PCDH11X: variants seen among roughly 807,000 people sequenced by gnomAD.
PCDH11X encodes protocadherin 11 X-linked.
PCDH11X carries 18 observed loss-of-function variants against 53.3 expected under a neutral mutation model. That is an observed-to-expected ratio of 0.34 (90% CI 0.23 to 0.50). PCDH11X has a LOEUF of 0.50. Among genes scored for constraint, PCDH11X ranks in the 20% least tolerant of loss-of-function variants. The pLI, the probability that PCDH11X is intolerant of heterozygous loss-of-function variation, is 0.98. For missense variants in PCDH11X, 570 were observed against 1,032.4 expected (o/e 0.55, Z 6.14); for synonymous variants, 279 against 393.3 (o/e 0.71, Z 3.44).
intron 6 of PCDH11X, among the ~76,000 whole-genome samples, chrX:92,006,956 CAG>C (rs2062610032): frequency 9.0e-6 from 1 of 111,489 alleles, no homozygotes; most frequent in African/African-American, 3.3e-5. Flanking sequence ...CCCAAACAAA[CAG>C]AGTCCCTCTC....
At chrX:92,175,795 C>T (rs1399387168) in intron 6 of PCDH11X, among the ~76,000 whole-genome samples, 5 of 84,225 alleles carry the variant, frequency 5.9e-5, no homozygotes, top group Non-Finnish European at 1.2e-4. Flanking sequence ...TACACACACA[C>T]ACACACACAG....
At chrX:91,833,626 A>G (rs764403394) in intron 4 of PCDH11X, among the ~76,000 whole-genome samples, 2 of 112,006 alleles carry the variant, frequency 1.8e-5, no homozygotes, top group Admixed American at 1.9e-4. Context: ...AAATGTTGTG[A>G]TAAAAATTAA....
rs113836236 is a variant in PCDH11X at position 92,438,114 on chromosome X, C to T, written c.3344-30185C>T. 9.9e-3 allele frequency among the ~76,000 whole-genome samples: 1,105 copies of T among 111,448 alleles called. 19 individuals are homozygous for T. Among genetic ancestry groups the T allele is most frequent in the African/African-American group, 0.034 (1,045 of 30,738 alleles). ...TTGATGTTGTAAGTAAATTGAGAGT[C>T]GTATATTCCATCTTCAACTCAGTCA... On this transcript the variant is annotated intron_variant, in intron 9 of 10. Transcript: ENST00000682573.
Position 92,006,330 on chromosome X carries a change from A to C in PCDH11X, c.3033+127057A>C, listed in dbSNP as rs370360956. On this transcript the variant is annotated intron_variant, in intron 6 of 10. Coordinates refer to ENST00000682573, the MANE Select transcript of PCDH11X (RefSeq NM_032968.5). ...TCTTTTGACTCTTCTGTGTATTTTC[A>C]AATAGCCTGTCTTCAAGCTCAGTAA... Among the ~76,000 whole-genome samples, 160 of 106,456 alleles carry C rather than the reference A, an allele frequency of 1.5e-3. 4 individuals carry two copies. The South Asian group carries it at 0.044, about 29-fold the overall frequency. 92.4% of individuals were successfully genotyped at this position (106,456 alleles called of 115,157 possible). A position where few individuals can be genotyped will look rare whatever the true frequency, so the allele number is the denominator to read the frequency against.
chrX:92,278,897 C>T lies in PCDH11X; in HGVS notation c.3144+15754C>T, dbSNP rs191332357. On this transcript the variant is annotated intron_variant, in intron 8 of 10. Coordinates refer to ENST00000682573, the MANE Select transcript of PCDH11X (RefSeq NM_032968.5). ...TGCGATCTCAGGTCACTGCAACCTC[C>T]GCCTCCTGGGTTCAAGCGAGTCTCC... 2.6e-3 allele frequency among the ~76,000 whole-genome samples: 277 copies of T among 105,400 alleles called. 2 individuals carry two copies. Among genetic ancestry groups the T allele is most frequent in the African/African-American group, 9.3e-3 (264 of 28,492 alleles). The allele number at this position is 105,400 out of a possible 115,157, so 91.5% of individuals were successfully genotyped here. A position where few individuals can be genotyped will look rare whatever the true frequency, so the allele number is the denominator to read the frequency against.
At chrX:92,036,829 T>A (rs984399861) in intron 6 of PCDH11X, among the ~76,000 whole-genome samples, 3 of 110,613 alleles carry the variant, frequency 2.7e-5, no homozygotes, top group African/African-American at 9.9e-5. Context: ...TAAATGGCTT[T>A]GCCCAAGATT....
At chrX:92,379,869 C>T (rs1243862176) in intron 8 of PCDH11X, among the ~76,000 whole-genome samples, 2 of 104,381 alleles carry the variant, frequency 1.9e-5, no homozygotes, top group Non-Finnish European at 4.0e-5. Flanking sequence ...CTTCACTTTG[C>T]TCACACTCCA....
chrX:91,792,022 T>C lies in PCDH11X; in HGVS notation c.-379+12338T>C, dbSNP rs1214425700. On this transcript the variant is annotated intron_variant, in intron 1 of 10. Coordinates refer to ENST00000682573, the MANE Select transcript of PCDH11X (RefSeq NM_032968.5). ...GACTACAGGCGCCCGCCACCGCGCCTGGCTAACTTTTTGTATTTTTAGTAG... is the reference window on the plus strand; with the variant it reads ...GACTACAGGCGCCCGCCACCGCGCCCGGCTAACTTTTTGTATTTTTAGTAG... Among the ~76,000 whole-genome samples the C allele has an allele frequency of 3.5e-4, 38 of 108,822 alleles. No individual in the cohort carries two copies. The East Asian group carries it at 5.5e-3, about 16-fold the overall frequency. 94.5% of individuals were successfully genotyped at this position (108,822 alleles called of 115,157 possible).
At chrX:92,316,749 A>G (rs936972981) in intron 8 of PCDH11X, among the ~76,000 whole-genome samples, 2 of 111,404 alleles carry the variant, frequency 1.8e-5, no homozygotes, top group African/African-American at 6.5e-5. Context: ...CACTTTTGAG[A>G]AAAGTGAATT....
chrX:92,589,896 G>A (rs1924840462), intron 10 of PCDH11X, among the ~76,000 whole-genome samples: 1 of 111,850 alleles, frequency 8.9e-6, no homozygotes, highest in African/African-American at 3.3e-5. Context: ...GAGGAGCCGA[G>A]TCCTGCTGAG....
chrX:91,876,484 C>T (rs892087709), intron 5 of PCDH11X, among the ~76,000 whole-genome samples: 16 of 110,828 alleles, frequency 1.4e-4, no homozygotes, highest in African/African-American at 4.6e-4. Flanking sequence ...AATCTGAAGC[C>T]TCCTGTCCCC....
At chrX:92,182,060 C>T (rs1316465916) in intron 6 of PCDH11X, among the ~76,000 whole-genome samples, 2 of 112,113 alleles carry the variant, frequency 1.8e-5, no homozygotes, top group Non-Finnish European at 3.8e-5. Context: ...TCAATGCCAG[C>T]CAGTAAAAGC....
rs1383480354 is a variant in PCDH11X, at chrX:92,619,636, A to G, written c.*696A>G. 1 of 109,548 alleles carries G rather than the reference A, an allele frequency of 9.1e-6. No homozygotes were observed. The highest frequency in any genetic ancestry group is 1.9e-5 in the Non-Finnish European group (1 of 52,746). 9.0% of individuals were successfully genotyped at this position (109,548 alleles called of 1,213,427 possible). ...TCTACAACCTATTTCTCTACTCTTT[A>G]GTAGAGTTCGAGACACAGAAGTGCA... is the stretch of plus-strand genomic sequence containing the variant. On this transcript the variant is annotated 3_prime_UTR_variant, in exon 11 of 11. Coordinates refer to ENST00000682573, the MANE Select transcript of PCDH11X (RefSeq NM_032968.5).
At chrX:91,801,447 G>C (rs912582547) in intron 1 of PCDH11X, among the ~76,000 whole-genome samples, 6 of 110,809 alleles carry the variant, frequency 5.4e-5, no homozygotes, top group Non-Finnish European at 9.4e-5. Flanking sequence ...CATTTGCACG[G>C]AAGTAGTAGA....
chrX:92,059,081 G>A (rs1198670121), intron 6 of PCDH11X, among the ~76,000 whole-genome samples: 1 of 106,662 alleles, frequency 9.4e-6, no homozygotes, highest in Admixed American at 1.0e-4. Flanking sequence ...GCTATTAAAA[G>A]TTATTAAAAT....
At chrX:92,107,575 A>G (rs1395893644) in intron 6 of PCDH11X, among the ~76,000 whole-genome samples, 2 of 112,103 alleles carry the variant, frequency 1.8e-5, no homozygotes, top group Non-Finnish European at 3.8e-5. Context: ...CGTCTCTACT[A>G]AAAATACAAA....
intron 10 of PCDH11X, among the ~76,000 whole-genome samples, chrX:92,482,838 C>G (rs1367349679): frequency 9.1e-6 from 1 of 109,973 alleles, no homozygotes; most frequent in Non-Finnish European, 1.9e-5. Context: ...TATGTGTAGA[C>G]TCCTTATAAA....
At chrX:92,484,171 A>G (rs1321792015) in intron 10 of PCDH11X, among the ~76,000 whole-genome samples, 2 of 50,213 alleles carry the variant, frequency 4.0e-5, no homozygotes, top group Non-Finnish European at 6.6e-5. Context: ...ATATATGTAT[A>G]TATATGTATG....
In PCDH11X at chrX:91,853,847, ACTTTTTT is replaced by A. The variant is rs760431952; in HGVS notation, c.540+17824_540+17830del. Among the ~76,000 whole-genome samples, 799 of 111,377 alleles carry A rather than the reference ACTTTTTT, an allele frequency of 7.2e-3. 6 individuals carry two copies. Among genetic ancestry groups the A allele is most frequent in the South Asian group, 0.041 (109 of 2,660 alleles). On this transcript the variant is annotated intron_variant, in intron 5 of 10. Coordinates refer to ENST00000682573, the MANE Select transcript of PCDH11X (RefSeq NM_032968.5). ...GTGTTTTTAAATTTTTAATGTATTT[ACTTTTTT>A]CTTTTTTCTTTTTTCTTTTTAATTT...
Sources: gnomAD v4.1 joint callset for allele counts (sites outside exome capture counted in the v4.1 genomes callset) on GRCh38, gnomAD v4.1.1 for gene constraint, MANE v1.5 for transcripts, NCBI Gene and HGNC (gene_info 2026-07-23, HGNC 2026-07-21) for gene names.